Variants in TARS3 observed in about 807,000 individuals in gnomAD.
TARS3 encodes threonine--tRNA ligase 2, cytoplasmic.
TARS3 carries 94 observed loss-of-function variants against 103.5 expected under a neutral mutation model. The observed-to-expected ratio is 0.91, with a 90% CI of 0.77 to 1.08. The LOEUF is 1.08. Ranked by LOEUF, TARS3 falls within the 50% of genes least tolerant of loss-of-function variation. The pLI, the probability that TARS3 is intolerant of heterozygous loss-of-function variation, is 0.00. For missense variants in TARS3, 952 were observed against 995.2 expected, an observed-to-expected ratio of 0.96 and a Z score of 0.58; for synonymous variants, 416 against 355.4, an observed-to-expected ratio of 1.17 and a Z score of -1.92.
intron 18 of TARS3, among the ~76,000 whole-genome samples, chr15:101,656,405 C>T (rs999996098): frequency 6.6e-6 from 1 of 152,224 alleles, no homozygotes; most frequent in Admixed American, 6.5e-5. Flanking sequence ...GTGTTAGTTT[C>T]TCTTAATTTT....
At chr15:101,713,533 T>C (rs1899970299) in intron 4 of TARS3, among the ~76,000 whole-genome samples, 1 of 20,064 alleles carries the variant, frequency 5.0e-5, no homozygotes. Context: ...TCTCAGGCAG[T>C]GGCAATGGAC....
At chr15:101,716,925 C>G (rs12440010) in intron 3 of TARS3, among the ~76,000 whole-genome samples, 48,353 of 146,556 alleles carry the variant, frequency 0.33, 8,953 homozygotes, top group East Asian at 0.82. Context: ...GGTGCAATGT[C>G]GGCTCACTGC....
chr15:101,721,171 C>G lies in TARS3; in HGVS notation c.521G>C (p.Gly174Ala). The G allele has an allele frequency of 1.2e-6, 2 of 1,612,494 alleles. No individual in the cohort carries two copies. The highest frequency in any genetic ancestry group is 1.7e-6 in the Non-Finnish European group (2 of 1,178,700). Residue 174 changes from glycine to alanine, a missense_variant, in exon 3 of 19, where the codon GGG (glycine) becomes GCG (alanine). Physicochemically the swap from Gly to Ala is moderately conservative, Grantham distance 60. Coordinates refer to ENST00000335968, the MANE Select transcript of TARS3 (RefSeq NM_152334.3). ...VRVADGQTVQ[G>A]EVWKTTPYQV... ...GTAAGGCGTTGTTTTCCAGACTTCC[C>G]CTTGCACTGTTTGCCCATCAGCCAC... is the stretch of plus-strand genomic sequence containing the variant.
chr15:101,700,683 C>T (rs1299625613), intron 10 of TARS3, among the ~76,000 whole-genome samples: 1 of 150,290 alleles, frequency 6.7e-6, no homozygotes, highest in African/African-American at 2.5e-5. Flanking sequence ...CTTGCTCTGT[C>T]ACCAGGCTGG....
At chr15:101,692,085 T>C (rs764540572) in intron 10 of TARS3, among the ~76,000 whole-genome samples, 1 of 152,244 alleles carries the variant, frequency 6.6e-6, no homozygotes, top group African/African-American at 2.4e-5. Context: ...AATCCTGACA[T>C]GCCAATATAC....
chr15:101,708,701 C>G (rs972526135), intron 6 of TARS3, 92 bp downstream of exon 6: 2 of 871,468 alleles, frequency 2.3e-6, no homozygotes, highest in African/African-American at 3.4e-5. Flanking sequence ...ATTTGGTGAG[C>G]AACAGGTAAT....
chr15:101,708,933 G>C (rs188391369), intron 5 of TARS3, 23 bp from the exon 6 acceptor site: 2 of 1,444,408 alleles, frequency 1.4e-6, no homozygotes, highest in Non-Finnish European at 1.9e-6. Context: ...GCAGAGAACC[G>C]ACATCCATCT....
At chr15:101,675,252 G>A (rs1360537303) in intron 13 of TARS3, among the ~76,000 whole-genome samples, 1 of 152,036 alleles carries the variant, frequency 6.6e-6, no homozygotes, top group Non-Finnish European at 1.5e-5. Context: ...CTCTACAGTC[G>A]GACTAAGATG....
intron 15 of TARS3, among the ~76,000 whole-genome samples, chr15:101,663,158 T>C (rs1897446455): frequency 6.6e-6 from 1 of 152,232 alleles, no homozygotes; most frequent in Non-Finnish European, 1.5e-5. Context: ...GCAGATATGA[T>C]GGTGGTCCCA....
intron 13 of TARS3, among the ~76,000 whole-genome samples, chr15:101,672,896 G>A (rs1227344944): frequency 1.3e-5 from 2 of 152,148 alleles, no homozygotes. Flanking sequence ...ACCAAGTGAT[G>A]GAAAGAATTC....
chr15:101,703,662 TAAAC>T (rs566070104), intron 8 of TARS3, among the ~76,000 whole-genome samples, 193 bp downstream of exon 8: 8 of 152,282 alleles, frequency 5.3e-5, no homozygotes, highest in East Asian at 1.9e-4. Context: ...GGTAAAATGA[TAAAC>T]AAAAGCCACC....
At chr15:101,698,568 T>C (rs1324565333) in intron 10 of TARS3, among the ~76,000 whole-genome samples, 1 of 152,190 alleles carries the variant, frequency 6.6e-6, no homozygotes, top group Non-Finnish European at 1.5e-5. Flanking sequence ...ATGTGCCTCC[T>C]ACTCTACCCC....
intron 13 of TARS3, among the ~76,000 whole-genome samples, chr15:101,673,613 A>G (rs1211690014): frequency 6.6e-6 from 1 of 152,126 alleles, no homozygotes; most frequent in African/African-American, 2.4e-5. Flanking sequence ...TCTGGAGCAA[A>G]TGGCTCCAGA....
intron 10 of TARS3, among the ~76,000 whole-genome samples, chr15:101,700,643 C>CTT (rs756944000): frequency 5.5e-5 from 8 of 145,064 alleles, no homozygotes; most frequent in Admixed American, 1.4e-4. Context: ...TAGTACCTCA[C>CTT]TTTTTTTTTT....
chr15:101,677,696 C>G (rs1481373524), intron 12 of TARS3, among the ~76,000 whole-genome samples: 1 of 152,034 alleles, frequency 6.6e-6, no homozygotes, highest in African/African-American at 2.4e-5. Flanking sequence ...CAGGGTTTCT[C>G]CATGTTAGTC....
At chr15:101,674,284 A>G (rs1897933295) in intron 13 of TARS3, among the ~76,000 whole-genome samples, 1 of 152,222 alleles carries the variant, frequency 6.6e-6, no homozygotes, top group South Asian at 2.1e-4. Context: ...TTGTGTTACT[A>G]GCAATCTGGA....
At chr15:101,678,233 C>G (rs1898113032) in intron 12 of TARS3, among the ~76,000 whole-genome samples, 1 of 152,122 alleles carries the variant, frequency 6.6e-6, no homozygotes, top group Non-Finnish European at 1.5e-5. Flanking sequence ...CTGCCTCAGC[C>G]TCCCAAAGTG....
rs1301047074 is a variant in TARS3, at chr15:101,654,735, A to G, written c.2261-5T>C. ...TCTTTTCCTTTTCTCCAACCACTGC[A>G]GAAAAGAAAGGTAAAGAAATGTATT... On this transcript the variant is annotated splice_polypyrimidine_tract_variant and splice_region_variant and intron_variant, in intron 18 of 18. Transcript: ENST00000335968. 6.2e-7 allele frequency: 1 copy of G among 1,612,752 alleles called. No homozygotes were observed. The highest frequency in any genetic ancestry group is 8.5e-7 in the Non-Finnish European group (1 of 1,179,628).
intron 18 of TARS3, among the ~76,000 whole-genome samples, chr15:101,656,521 T>C (rs972716776): frequency 1.2e-4 from 18 of 152,252 alleles, no homozygotes; most frequent in African/African-American, 4.3e-4. Flanking sequence ...TCATTTTAAA[T>C]TTGGGATCTT....
Sources: allele counts gnomAD v4.1 joint callset (sites outside exome capture counted in the v4.1 genomes callset), GRCh38; gene constraint gnomAD v4.1.1; transcripts MANE v1.5; gene names NCBI Gene and HGNC (gene_info 2026-07-23, HGNC 2026-07-21).